The following PLCH2 variants were observed in gnomAD, a reference collection of about 807,000 sequenced individuals.
The protein encoded by PLCH2 is 1-phosphatidylinositol 4,5-bisphosphate phosphodiesterase eta-2.
Under a neutral mutation model 134.7 loss-of-function variants are expected in PLCH2, and 98 were observed. The ratio of observed to expected loss-of-function variants is 0.73; its 90% CI spans 0.62 to 0.86. The LOEUF (loss-of-function observed/expected upper bound fraction) is 0.86. Ranked by LOEUF, PLCH2 falls within the 40% of genes least tolerant of loss-of-function variation. The probability of loss-of-function intolerance (pLI) is 0.00; values close to 1 mark genes in which losing one functional copy is unlikely to be tolerated. For synonymous variants in PLCH2, 974 were observed against 827.5 expected, an observed-to-expected ratio of 1.18 and a Z score of -3.04; for missense variants, 1,994 against 1,986.6, an observed-to-expected ratio of 1.00 and a Z score of -0.07.
intron 2 of PLCH2, 168 bp from the exon 3 acceptor site, chr1:2,479,566 G>A (rs769877404): frequency 9.8e-5 from 63 of 642,734 alleles, no homozygotes; most frequent in Admixed American, 4.1e-4. Flanking sequence ...GTGCAGTCTC[G>A]CAGATCTTCA....
Position 2,498,737 on chromosome 1 carries a change from G to A in PLCH2, c.2350-7G>A, listed in dbSNP as rs1055830582. On this transcript the variant is annotated splice_region_variant and splice_polypyrimidine_tract_variant and intron_variant, in intron 17 of 21. Coordinates refer to ENST00000378486, the MANE Select transcript of PLCH2 (RefSeq NM_014638.4). The surrounding 1 kb of genome is among the most constrained non-coding windows in gnomAD (Gnocchi z 5.4). ...GCCCTGATGCCACCCCCACTCCTGT[G>A]TCCCAGATCATCGACCCCTTTGTGG... The A allele has an allele frequency of 6.2e-7, 1 of 1,606,466 alleles. No homozygotes were observed. The highest frequency in any genetic ancestry group is 8.5e-7 in the Non-Finnish European group (1 of 1,176,640).
chr1:2,474,278 C>A (rs1641496990), upstream of PLCH2, among the ~76,000 whole-genome samples: 1 of 152,160 alleles, frequency 6.6e-6, no homozygotes, highest in Admixed American at 6.5e-5. Context: ...CCCGGGGCAC[C>A]CCCGGCTTCA....
At chr1:2,421,930 C>T (rs111732473), upstream of PLCH2, among the ~76,000 whole-genome samples, 9,227 of 151,806 alleles carry the variant, frequency 0.061, 459 homozygotes, top group Admixed American at 0.1. Flanking sequence ...GCCAAGATCA[C>T]GCCACTACAC....
intron 2 of PLCH2, among the ~76,000 whole-genome samples, chr1:2,459,240 AT>A (rs892580026): frequency 1.1e-4 from 16 of 152,146 alleles, no homozygotes; most frequent in African/African-American, 3.9e-4. Flanking sequence ...TGGCTTGTTT[AT>A]TTTGTCTTGT....
chr1:2,498,426 G>A lies in PLCH2; in HGVS notation c.2225-97G>A. The A allele has an allele frequency of 2.1e-6, 3 of 1,401,236 alleles. No individual in the cohort carries two copies. The highest frequency in any genetic ancestry group is 1.4e-5 in the South Asian group (1 of 73,938). The allele number at this position is 1,401,236 out of a possible 1,614,324, so 86.8% of individuals were successfully genotyped here. On this transcript the variant is annotated intron_variant, in intron 16 of 21. Coordinates refer to ENST00000378486, the MANE Select transcript of PLCH2 (RefSeq NM_014638.4). The surrounding 1 kb of genome is among the most constrained non-coding windows in gnomAD (Gnocchi z 5.4). Reference sequence around the variant, plus strand: ...CCTGGCACCGGCTCCAGTCTCCTATGTGGGGGCTGGGGAGGGGGCTGTTGG... The same window carrying A: ...CCTGGCACCGGCTCCAGTCTCCTATATGGGGGCTGGGGAGGGGGCTGTTGG...
At chr1:2,481,491 G>A (rs566606437) in intron 4 of PLCH2, among the ~76,000 whole-genome samples, 12 of 152,352 alleles carry the variant, frequency 7.9e-5, no homozygotes, top group Middle Eastern at 3.4e-3. Flanking sequence ...GCCAGGGCCC[G>A]GGCAGCAGGG....
rs752211777 is a variant in PLCH2 at position 2,502,733 on chromosome 1, G to A, written c.2959+324G>A. 27 of 715,848 alleles carry A rather than the reference G, an allele frequency of 3.8e-5. No homozygotes were observed. The East Asian group carries it at 4.8e-4, about 13-fold the overall frequency. 44.3% of individuals were successfully genotyped at this position (715,848 alleles called of 1,614,324 possible). ...TGGGGCCTGGAGGCAGGGTCCAGGC[G>A]GTAGCGGCTCCATGTCCTCGGACTC... On this transcript the variant is annotated intron_variant, in intron 21 of 21. Transcript: ENST00000378486.
At chr1:2,458,124 C>A (rs369464019) in intron 2 of PLCH2, among the ~76,000 whole-genome samples, 38 of 152,234 alleles carry the variant, frequency 2.5e-4, no homozygotes, top group African/African-American at 7.9e-4. Context: ...CAGGCCTGTC[C>A]TCGGGAGCTC....
In PLCH2 at chr1:2,499,143, C is replaced by A. The variant is rs1204143832; in HGVS notation, c.2494C>A (p.Leu832Met). Residue 832 changes from leucine (L) to methionine (M), a missense_variant, in exon 19 of 22, where the codon CTG becomes ATG. Leu to Met is a conservative substitution (Grantham distance 15). Coordinates refer to ENST00000378486, the MANE Select transcript of PLCH2 (RefSeq NM_014638.4). ...VFMVHMPEIA[L>M]VRFLVWDHDP... is the part of the protein sequence containing the mutation. ...CATGGTGCACATGCCGGAGATCGCG[C>A]TGGTCCGCTTCCTCGTCTGGGACCA... is the stretch of plus-strand genomic sequence containing the variant. 6.2e-7 allele frequency: 1 copy of A among 1,613,082 alleles called. No homozygotes were observed.
rs576229286 is a variant in PLCH2, at chr1:2,478,396, C to T, written c.125-80C>T. ...CCGTGTTTCTCCCGTGAGGAGTGGC[C>T]GTGCCTCCGCTGACGGCCGTGTCTC... On this transcript the variant is annotated intron_variant, in intron 1 of 21. Coordinates refer to ENST00000378486, the MANE Select transcript of PLCH2 (RefSeq NM_014638.4). 3.5e-5 allele frequency: 53 copies of T among 1,535,182 alleles called. No individual in the cohort carries two copies. The Admixed American group carries it at 4.6e-4, about 13-fold the overall frequency.
At chr1:2,493,393 T>C (rs963034617) in intron 11 of PLCH2, 2 of 152,226 alleles carry the variant, frequency 1.3e-5, no homozygotes, top group Admixed American at 6.5e-5. Context: ...CCGGCAGCCG[T>C]GGCACCAATA....
rs1642111934 is a variant in PLCH2, at chr1:2,483,791, G to GGGCGCTGACCCCCGTTTGGGGT, written c.646-642_646-641insTTGGGGTGGCGCTGACCCCCGT. 4.7e-5 allele frequency among the ~76,000 whole-genome samples: 4 copies of GGGCGCTGACCCCCGTTTGGGGT among 84,310 alleles called. 1 individual carries two copies. Among genetic ancestry groups the GGGCGCTGACCCCCGTTTGGGGT allele is most frequent in the Non-Finnish European group, 7.9e-5 (3 of 37,822 alleles). 55.3% of individuals were successfully genotyped at this position (84,310 alleles called of 152,430 possible). A position where few individuals can be genotyped will look rare whatever the true frequency, so the allele number is the denominator to read the frequency against. Reference sequence around the variant, plus strand: ...GGGGGGCGCTGACCCCCGTTTGGGGGGGCGCTGACCCCCGTGTGGGGGTGG... The same window carrying GGGCGCTGACCCCCGTTTGGGGT: ...GGGGGGCGCTGACCCCCGTTTGGGGGGGCGCTGACCCCCGTTTGGGGTGGCGCTGACCCCCGTGTGGGGGTGG... On this transcript the variant is annotated intron_variant, in intron 4 of 21. Transcript: ENST00000378486.
intron 1 of PLCH2, among the ~76,000 whole-genome samples, chr1:2,428,564 G>T (rs1638914391): frequency 6.6e-6 from 1 of 152,266 alleles, no homozygotes; most frequent in South Asian, 2.1e-4. Flanking sequence ...CCTCGCCTAG[G>T]CTTGCGGCAG....
intron 21 of PLCH2, chr1:2,503,183 T>C (rs1434861588): frequency 1.6e-6 from 1 of 612,922 alleles, no homozygotes; most frequent in Non-Finnish European, 3.0e-6. Flanking sequence ...TTGCTGAGGG[T>C]CTGGGGCCGG....
chr1:2,457,569 A>C (rs1317797725), intron 2 of PLCH2, among the ~76,000 whole-genome samples: 1 of 151,792 alleles, frequency 6.6e-6, no homozygotes, highest in Non-Finnish European at 1.5e-5. Context: ...GGCCGCACCC[A>C]CCCTGGGGGA....
chr1:2,504,257 C>A lies in PLCH2; in HGVS notation c.3295C>A (p.Gln1099Lys). 1 of 1,590,906 alleles carries A rather than the reference C, an allele frequency of 6.3e-7. No homozygotes were observed. Among genetic ancestry groups the A allele is most frequent in the Non-Finnish European group, 8.5e-7 (1 of 1,170,512 alleles). The change falls in exon 22 of 22, where the codon CAG becomes AAG. Residue 1099 changes from glutamine to lysine, a missense_variant. Physicochemically the swap from Gln to Lys is moderately conservative, Grantham distance 53 (BLOSUM62 1). This residue lies in a region of PLCH2 where 900 missense variants were observed against 752.3 expected (regional missense o/e 1.20). Coordinates refer to ENST00000378486, the MANE Select transcript of PLCH2 (RefSeq NM_014638.4). Reference sequence around the variant, plus strand: ...GATTAGAAGGGTGAAGAGTGAGGGGCAGGTGCCCACGGAGCCCCTGGGAGG... The same window carrying A: ...GATTAGAAGGGTGAAGAGTGAGGGGAAGGTGCCCACGGAGCCCCTGGGAGG... ...PVIRRVKSEG[Q>K]VPTEPLGGWR...
Position 2,487,301 on chromosome 1 carries a change from G to T in PLCH2, c.1039G>T (p.Gly347Cys). The T allele has an allele frequency of 6.2e-7, 1 of 1,613,894 alleles. No homozygotes were observed. The highest frequency in any genetic ancestry group is 8.5e-7 in the Non-Finnish European group (1 of 1,179,960). The stretch of plus-strand genomic sequence containing the variant: ...CTCGTCCCACAACACCTACCTCGTG[G>T]GTGACCAGCTCATGTCCCAGTCACG... ...ITSSHNTYLVGDQLMSQSRVD... is the reference protein window; with the variant it reads ...ITSSHNTYLVCDQLMSQSRVD... Residue 347 changes from glycine to cysteine, a missense_variant, in exon 7 of 22, where the codon GGT becomes TGT. This residue lies in a region of PLCH2 where 1,094 missense variants were observed against 1,234.3 expected (regional missense o/e 0.89). Transcript: ENST00000378486.
At position 2,448,133 on chromosome 1, in the gene PLCH2, C is replaced by T. The variant is rs1640025308; in HGVS notation, c.115+17504C>T. On this transcript the variant is annotated intron_variant, in intron 2 of 3. Coordinates refer to the PLCH2 transcript ENST00000609981. The surrounding 1 kb of genome is among the most constrained non-coding windows in gnomAD (Gnocchi z 4.0). Reference sequence around the variant, plus strand: ...GAACGCTTTGCTGACAGCTGGGCTGCCCTTGCCCTCCTGGAGCGCCAGGTG... The same window carrying T: ...GAACGCTTTGCTGACAGCTGGGCTGTCCTTGCCCTCCTGGAGCGCCAGGTG... Among the ~76,000 whole-genome samples, 1 of 152,198 alleles carries T rather than the reference C, an allele frequency of 6.6e-6. No individual in the cohort carries two copies. Among genetic ancestry groups the T allele is most frequent in the Admixed American group, 6.5e-5 (1 of 15,290 alleles).
chr1:2,481,967 G>T (rs1641994447), intron 4 of PLCH2, among the ~76,000 whole-genome samples: 1 of 152,266 alleles, frequency 6.6e-6, no homozygotes, highest in Admixed American at 6.5e-5. Flanking sequence ...AGAACTGCAT[G>T]GTGGATAAAC....
Sources: allele counts gnomAD v4.1 joint callset (sites outside exome capture counted in the v4.1 genomes callset), GRCh38; gene constraint gnomAD v4.1.1; regional missense constraint gnomAD v4.1.1; non-coding constraint Gnocchi (gnomAD v3.1); transcripts MANE v1.5; gene names NCBI Gene and HGNC (gene_info 2026-07-23, HGNC 2026-07-21).